Variants in TRPC3 observed in about 807,000 individuals in gnomAD.
TRPC3 encodes the protein transient receptor potential cation channel subfamily C member 3, also known as short transient receptor potential channel 3.
In TRPC3, 54 loss-of-function variants were observed where a neutral mutation model predicts 90.9. The ratio of observed to expected loss-of-function variants is 0.59; its 90% CI spans 0.48 to 0.75. The LOEUF (loss-of-function observed/expected upper bound fraction) is 0.75. Among genes scored for constraint, TRPC3 ranks in the 30% least tolerant of loss-of-function variants. The probability of loss-of-function intolerance (pLI) is 0.00; values close to 1 mark genes in which losing one functional copy is unlikely to be tolerated. For synonymous variants in TRPC3, 424 were observed against 450.9 expected (o/e 0.94, Z 0.75); for missense variants, 918 against 1,194.5 (o/e 0.77, Z 3.41).
In TRPC3 at chr4:121,899,640, C is replaced by G; in HGVS notation, c.2519G>C (p.Ser840Thr). Residue 840 changes from serine (S) to threonine (T), a missense_variant, in exon 10 of 12, where the codon AGC (serine) becomes ACC (threonine). Coordinates refer to ENST00000379645, the MANE Select transcript of TRPC3 (RefSeq NM_001130698.2). ...ATAACGTGTTGGCTGATTGAGAATG[C>G]TGTTAAAACTGTGTGATTCAAAAAC... ...SRVFESHSFN[S>T]ILNQPTRYQQ... The G allele has an allele frequency of 6.2e-7, 1 of 1,613,538 alleles. No individual in the cohort carries two copies. Among genetic ancestry groups the G allele is most frequent in the Non-Finnish European group, 8.5e-7 (1 of 1,179,720 alleles).
At chr4:121,892,149 G>C (rs1369398638) in intron 10 of TRPC3, among the ~76,000 whole-genome samples, 1 of 152,172 alleles carries the variant, frequency 6.6e-6, no homozygotes, top group Non-Finnish European at 1.5e-5. Flanking sequence ...ATAGTTTAGA[G>C]CTGAAGGATC....
chr4:121,888,710 T>C (rs374250948), intron 10 of TRPC3, among the ~76,000 whole-genome samples: 13 of 152,268 alleles, frequency 8.5e-5, no homozygotes, highest in African/African-American at 2.6e-4. Flanking sequence ...AGTTCTGTAA[T>C]AGTTTTAAAG....
intron 3 of TRPC3, among the ~76,000 whole-genome samples, chr4:121,920,818 A>C (rs1729475116): frequency 6.6e-6 from 1 of 152,140 alleles, no homozygotes; most frequent in South Asian, 2.1e-4. Context: ...TTTCCTTACA[A>C]ATTTGTTTGA....
chr4:121,936,774 G>A (rs1457997264), intron 1 of TRPC3, among the ~76,000 whole-genome samples: 1 of 152,092 alleles, frequency 6.6e-6, no homozygotes, highest in Non-Finnish European at 1.5e-5. Flanking sequence ...TACCTCTCCA[G>A]AAACCGAACA....
intron 3 of TRPC3, among the ~76,000 whole-genome samples, chr4:121,915,478 A>G (rs1729276734): frequency 6.6e-6 from 1 of 152,228 alleles, no homozygotes; most frequent in East Asian, 1.9e-4. Context: ...AAGGCCTGAA[A>G]AATAATCAAT....
At chr4:121,907,693 A>G in intron 6 of TRPC3, 126 bp from the exon 7 acceptor site, 1 of 1,006,360 alleles carries the variant, frequency 9.9e-7, no homozygotes. Context: ...AAACTAATCT[A>G]GATTTAATTA....
Position 121,881,369 on chromosome 4 carries a change from G to A in TRPC3, c.2623+985C>T, listed in dbSNP as rs547658573. Among the ~76,000 whole-genome samples the A allele has an allele frequency of 2.8e-4, 43 of 152,144 alleles. No homozygotes were observed. The South Asian group carries it at 7.9e-3, about 28-fold the overall frequency. On this transcript the variant is annotated intron_variant, in intron 11 of 11. Transcript: ENST00000379645. Reference sequence around the variant, plus strand: ...TTTTTTATGCCGTTTTAGCCATACAGTTCTTCCCACTTTGTTCCTCCCTCT... The same window carrying A: ...TTTTTTATGCCGTTTTAGCCATACAATTCTTCCCACTTTGTTCCTCCCTCT...
chr4:121,897,200 A>AT (rs1193834301), intron 10 of TRPC3, among the ~76,000 whole-genome samples: 1 of 151,958 alleles, frequency 6.6e-6, no homozygotes, highest in East Asian at 1.9e-4. Context: ...AGAAAAAAAC[A>AT]TAGGAGAAAT....
rs1352590694 is a variant in TRPC3 at position 121,876,973 on chromosome 4, T to C, written c.*2763A>G. ...GGGGCTTTGACAATCCTTTAATTAA[T>C]GTTTTTTTCTATAAAGTTGTTTTTG... is the stretch of plus-strand genomic sequence containing the variant. On this transcript the variant is annotated 3_prime_UTR_variant, in exon 12 of 12. Coordinates refer to ENST00000379645, the MANE Select transcript of TRPC3 (RefSeq NM_001130698.2). Among the ~76,000 whole-genome samples the C allele has an allele frequency of 6.6e-6, 1 of 152,198 alleles. No individual in the cohort carries two copies. The highest frequency in any genetic ancestry group is 1.5e-5 in the Non-Finnish European group (1 of 68,016).
chr4:121,942,505 G>C (rs181634070), intron 1 of TRPC3, among the ~76,000 whole-genome samples: 1 of 152,336 alleles, frequency 6.6e-6, no homozygotes, highest in African/African-American at 2.4e-5. Flanking sequence ...GGAGTTGGAA[G>C]TTGCAGTGAG....
At chr4:121,920,026 G>A (rs981557157) in intron 3 of TRPC3, among the ~76,000 whole-genome samples, 4 of 152,024 alleles carry the variant, frequency 2.6e-5, no homozygotes, top group Admixed American at 2.6e-4. Flanking sequence ...CTTTTGGTGG[G>A]GGGCAAATAG....
In TRPC3 at chr4:121,882,462, A is replaced by G. The variant is rs201614791; in HGVS notation, c.2548-33T>C. On this transcript the variant is annotated intron_variant, in intron 10 of 11. Coordinates refer to ENST00000379645, the MANE Select transcript of TRPC3 (RefSeq NM_001130698.2). ...GCAAAAGTAAATGATTAGATCTCCA[A>G]TGATATACATAAGTGCCCCAATCCT... 108 of 1,593,362 alleles carry G rather than the reference A, an allele frequency of 6.8e-5. No homozygotes were observed. The African/African-American group carries it at 1.1e-3, about 16-fold the overall frequency.
At chr4:121,940,844 A>G (rs1458044864) in intron 1 of TRPC3, among the ~76,000 whole-genome samples, 3 of 152,152 alleles carry the variant, frequency 2.0e-5, no homozygotes, top group African/African-American at 4.8e-5. Flanking sequence ...TCAATTGAGG[A>G]TAAATGTTTT....
At chr4:121,882,127 CAGTT>C (rs1188092631) in intron 11 of TRPC3, among the ~76,000 whole-genome samples, 6 of 152,228 alleles carry the variant, frequency 3.9e-5, no homozygotes, top group East Asian at 3.9e-4. Context: ...TTCTAAGAAT[CAGTT>C]AGGGCACTAT....
chr4:121,944,152 C>T (rs757336349), intron 1 of TRPC3, among the ~76,000 whole-genome samples: 28 of 152,042 alleles, frequency 1.8e-4, no homozygotes, highest in Non-Finnish European at 3.2e-4. Context: ...CCCTTCTGGA[C>T]GGATGTTATG....
chr4:121,888,408 AT>A (rs1728206165), intron 10 of TRPC3, among the ~76,000 whole-genome samples: 1 of 152,224 alleles, frequency 6.6e-6, no homozygotes, highest in African/African-American at 2.4e-5. Context: ...CTAGAAAAAA[AT>A]GAAACATTTT....
rs756019751 is a variant in TRPC3 at position 121,911,992 on chromosome 4, G to A, written c.1443C>T (p.Phe481=). 30 of 1,613,700 alleles carry A rather than the reference G, an allele frequency of 1.9e-5. No individual in the cohort carries two copies. The highest frequency in any genetic ancestry group is 3.3e-5 in the Admixed American group (2 of 59,948). The change falls in exon 5 of 12, where the codon TTC becomes TTT. Residue 481 remains phenylalanine, a synonymous_variant. Transcript: ENST00000379645. ...GLLVFNASDR[F]EGITTLPNIT... ...TATTGGGCAGCGTGGTGATGCCTTC[G>A]AACCTGTCTGAGGCATTGAACACAA...
intron 1 of TRPC3, among the ~76,000 whole-genome samples, chr4:121,948,558 C>T (rs1289954540): frequency 1.3e-5 from 2 of 152,188 alleles, no homozygotes; most frequent in African/African-American, 4.8e-5. Context: ...TCCCTAGTGC[C>T]TCATCCTGGC....
In TRPC3 at chr4:121,879,534, C is replaced by G. The variant is rs1727870582; in HGVS notation, c.*202G>C. 1 of 541,112 alleles carries G rather than the reference C, an allele frequency of 1.8e-6. No homozygotes were observed. The highest frequency in any genetic ancestry group is 3.1e-6 in the Non-Finnish European group (1 of 322,106). 33.5% of individuals were successfully genotyped at this position (541,112 alleles called of 1,614,324 possible). ...TTGGGCTTTTCAACACAATGGTATG[C>G]CACTGTAATGTCAAAGCAGACAAAT... On this transcript the variant is annotated 3_prime_UTR_variant, in exon 12 of 12. Coordinates refer to ENST00000379645, the MANE Select transcript of TRPC3 (RefSeq NM_001130698.2).
Sources: gnomAD v4.1 joint callset for allele counts (sites outside exome capture counted in the v4.1 genomes callset) on GRCh38, gnomAD v4.1.1 for gene constraint, MANE v1.5 for transcripts, NCBI Gene and HGNC (gene_info 2026-07-23, HGNC 2026-07-21) for gene names.